TNFAIP8: variants seen among roughly 807,000 people sequenced by gnomAD.
TNFAIP8 encodes the protein tumor necrosis factor alpha-induced protein 8.
A neutral mutation model predicts 13.3 loss-of-function variants in TNFAIP8; 7 were observed. The observed-to-expected ratio is 0.52, with a 90% CI of 0.30 to 0.99. The LOEUF is 0.99. Ranked by LOEUF, TNFAIP8 falls within the 50% of genes least tolerant of loss-of-function variation. TNFAIP8 has a pLI of 0.07. For missense variants in TNFAIP8, 258 were observed against 236.9 expected (o/e 1.09, Z -0.58); for synonymous variants, 94 against 87.6 (o/e 1.07, Z -0.41).
At chr5:119,338,246 TC>T (rs779113160) in intron 1 of TNFAIP8, among the ~76,000 whole-genome samples, 1 of 150,786 alleles carries the variant, frequency 6.6e-6, no homozygotes, top group South Asian at 2.1e-4. Flanking sequence ...ACAAGTCTTG[TC>T]CTTTTTGCTC....
intron 1 of TNFAIP8, among the ~76,000 whole-genome samples, chr5:119,276,174 G>A (rs1052053636): frequency 1.3e-5 from 2 of 151,324 alleles, no homozygotes; most frequent in Non-Finnish European, 2.9e-5. Context: ...CTGAAGTGCA[G>A]TGGTGCAAAC....
chr5:119,333,186 T>C, intron 1 of TNFAIP8: 1 of 992,424 alleles, frequency 1.0e-6, no homozygotes, highest in Non-Finnish European at 1.2e-6. Context: ...ATTTTGAATA[T>C]ACTCCTGTTT....
At chr5:119,348,142 A>T (rs761691857) in intron 1 of TNFAIP8, among the ~76,000 whole-genome samples, 3 of 152,198 alleles carry the variant, frequency 2.0e-5, no homozygotes, top group Non-Finnish European at 4.4e-5. Flanking sequence ...CACACTGAGG[A>T]GAAAGATTAT....
At chr5:119,303,479 A>G (rs1236591619) in intron 1 of TNFAIP8, among the ~76,000 whole-genome samples, 1 of 152,118 alleles carries the variant, frequency 6.6e-6, no homozygotes, top group African/African-American at 2.4e-5. Context: ...TGGGTCAGTA[A>G]AGCTACATAC....
chr5:119,328,374 A>G (rs1263222633), intron 1 of TNFAIP8, among the ~76,000 whole-genome samples: 1 of 152,218 alleles, frequency 6.6e-6, no homozygotes, highest in Non-Finnish European at 1.5e-5. Flanking sequence ...CCACATGGGT[A>G]AAACTACATA....
At chr5:119,321,142 G>T (rs959424749) in intron 1 of TNFAIP8, among the ~76,000 whole-genome samples, 1 of 152,108 alleles carries the variant, frequency 6.6e-6, no homozygotes, top group Admixed American at 6.5e-5. Context: ...GTGTGCACCC[G>T]GGAGGCGGAG....
chr5:119,310,665 T>A (rs6865343), intron 1 of TNFAIP8, among the ~76,000 whole-genome samples: 116,777 of 152,036 alleles, frequency 0.77, 46,592 homozygotes, highest in East Asian at 0.95. Context: ...TAAAACCCTG[T>A]CTCTACTAAG....
At chr5:119,356,574 G>A in intron 1 of TNFAIP8, among the ~76,000 whole-genome samples, 1 of 152,062 alleles carries the variant, frequency 6.6e-6, no homozygotes, top group South Asian at 2.1e-4. Flanking sequence ...GCTGAGTGAG[G>A]GGAAGCGAAA....
At chr5:119,298,771 C>T (rs1460362737) in intron 1 of TNFAIP8, among the ~76,000 whole-genome samples, 1 of 152,034 alleles carries the variant, frequency 6.6e-6, no homozygotes, top group Admixed American at 6.5e-5. Context: ...GGTCTTTTCA[C>T]ATAGTCCCAT....
intron 1 of TNFAIP8, among the ~76,000 whole-genome samples, chr5:119,344,193 G>A (rs531828940): frequency 7.2e-5 from 11 of 152,332 alleles, no homozygotes; most frequent in African/African-American, 2.6e-4. Flanking sequence ...ACCAGCATCT[G>A]CTCAGTTTCT....
intron 1 of TNFAIP8, among the ~76,000 whole-genome samples, chr5:119,293,602 G>C (rs192434649): frequency 6.6e-6 from 1 of 152,128 alleles, no homozygotes; most frequent in Non-Finnish European, 1.5e-5. Flanking sequence ...ATGAGGAAAT[G>C]TTCTAAAAAT....
chr5:119,302,749 C>A (rs902373371), intron 1 of TNFAIP8, among the ~76,000 whole-genome samples: 1 of 152,128 alleles, frequency 6.6e-6, no homozygotes, highest in African/African-American at 2.4e-5. Flanking sequence ...GATCGTTCAC[C>A]TGCCAAAACA....
At chr5:119,320,662 G>A (rs1750027177) in intron 1 of TNFAIP8, among the ~76,000 whole-genome samples, 1 of 151,856 alleles carries the variant, frequency 6.6e-6, no homozygotes, top group Non-Finnish European at 1.5e-5. Flanking sequence ...ATCCATCCCG[G>A]CCCCCTTCTT....
At chr5:119,387,221 A>G (rs1386366354) in intron 1 of TNFAIP8, among the ~76,000 whole-genome samples, 1 of 152,164 alleles carries the variant, frequency 6.6e-6, no homozygotes, top group Non-Finnish European at 1.5e-5. Context: ...CCACTTTCTT[A>G]TCACCAAAGC....
chr5:119,290,515 C>A (rs1748948614), intron 1 of TNFAIP8, among the ~76,000 whole-genome samples: 1 of 152,088 alleles, frequency 6.6e-6, no homozygotes, highest in African/African-American at 2.4e-5. Flanking sequence ...GTGAGTGATC[C>A]AAGGGAACAT....
intron 1 of TNFAIP8, among the ~76,000 whole-genome samples, chr5:119,318,490 TC>T (rs1749962455): frequency 6.6e-6 from 1 of 151,990 alleles, no homozygotes; most frequent in Non-Finnish European, 1.5e-5. Flanking sequence ...GAGACGGGGT[TC>T]CCCTATGTTG....
intron 1 of TNFAIP8, among the ~76,000 whole-genome samples, chr5:119,359,844 A>G (rs1019475505): frequency 6.6e-6 from 1 of 152,258 alleles, no homozygotes; most frequent in Non-Finnish European, 1.5e-5. Flanking sequence ...CCTTGATGTC[A>G]TACATAATGT....
chr5:119,346,146 T>C (rs922544813), intron 1 of TNFAIP8, among the ~76,000 whole-genome samples: 4 of 152,118 alleles, frequency 2.6e-5, no homozygotes, highest in African/African-American at 9.7e-5. Context: ...CTGGCAGAAC[T>C]TGCTAGAAAT....
chr5:119,338,165 GAC>G (rs367789572), intron 1 of TNFAIP8, among the ~76,000 whole-genome samples: 4,107 of 125,144 alleles, frequency 0.033, 96 homozygotes, highest in African/African-American at 0.077. Context: ...CTGGAACTTT[GAC>G]ACACACACAC....
Sources: allele counts gnomAD v4.1 joint callset (sites outside exome capture counted in the v4.1 genomes callset), GRCh38; gene constraint gnomAD v4.1.1; transcripts MANE v1.5; gene names NCBI Gene and HGNC (gene_info 2026-07-23, HGNC 2026-07-21).